Variants in ROPN1 observed in about 807,000 individuals in gnomAD.
ROPN1 encodes ropporin-1A.
A neutral mutation model predicts 20.5 loss-of-function variants in ROPN1; 14 were observed. The ratio of observed to expected loss-of-function variants is 0.68; its 90% CI spans 0.45 to 1.07. The LOEUF (loss-of-function observed/expected upper bound fraction) is 1.07, where lower values mean the gene tolerates loss of function less well. Ranked by LOEUF, ROPN1 falls within the 50% of genes least tolerant of loss-of-function variation. ROPN1 has a pLI of 0.00. For synonymous variants in ROPN1, 76 were observed against 95.7 expected (o/e 0.79, Z 1.20); for missense variants, 169 against 242.8 (o/e 0.70, Z 2.02).
chr3:123,985,708 G>A (rs942531847), intron 1 of ROPN1, among the ~76,000 whole-genome samples: 1 of 152,006 alleles, frequency 6.6e-6, no homozygotes, highest in Non-Finnish European at 1.5e-5. Context: ...TAGGCCTTCA[G>A]TAAAGTCTTA....
intron 4 of ROPN1, among the ~76,000 whole-genome samples, chr3:123,973,154 G>A (rs748921797): frequency 1.3e-5 from 2 of 152,122 alleles, no homozygotes; most frequent in Non-Finnish European, 2.9e-5. Flanking sequence ...AATTTTGGGA[G>A]AACACAAACA....
chr3:123,990,899 G>T (rs561511718), intron 1 of ROPN1, among the ~76,000 whole-genome samples: 1 of 152,164 alleles, frequency 6.6e-6, no homozygotes, highest in Non-Finnish European at 1.5e-5. Flanking sequence ...GGGCTAAACA[G>T]GGCTTCCGTT....
At chr3:123,982,483 G>A (rs2038171430) in intron 1 of ROPN1, among the ~76,000 whole-genome samples, 1 of 152,146 alleles carries the variant, frequency 6.6e-6, no homozygotes, top group African/African-American at 2.4e-5. Context: ...TACAACAAGG[G>A]TCTCAGTACT....
chr3:123,977,038 G>A, intron 2 of ROPN1, 57 bp from the exon 3 acceptor site: 12 of 1,501,388 alleles, frequency 8.0e-6, no homozygotes, highest in Non-Finnish European at 9.9e-6. Flanking sequence ...GCCTCTGGCT[G>A]TTCTAGCAAT....
Position 123,991,976 on chromosome 3 carries a change from C to A in ROPN1, c.-67G>T, listed in dbSNP as rs1239067280. ...GCTTCAGGCGACACCTGGCGCCTGG[C>A]CTCAGGCGAGAGGTGTGGGGAGAGA... On this transcript the variant is annotated 5_prime_UTR_variant, in exon 1 of 6. Transcript: ENST00000405845. The A allele has an allele frequency of 1.5e-5, 2 of 129,124 alleles. No individual in the cohort carries two copies. Among genetic ancestry groups the A allele is most frequent in the African/African-American group, 2.7e-5 (1 of 37,304 alleles). The allele number at this position is 129,124 out of a possible 1,614,324, so 8.0% of individuals were successfully genotyped here. A position where few individuals can be genotyped will look rare whatever the true frequency, so the allele number is the denominator to read the frequency against.
chr3:123,977,312 C>T (rs372477479), intron 2 of ROPN1, among the ~76,000 whole-genome samples: 9 of 152,052 alleles, frequency 5.9e-5, no homozygotes, highest in African/African-American at 9.7e-5. Flanking sequence ...GTTTTATACA[C>T]GCAGATGTAT....
At chr3:123,985,517 T>G (rs1398066845) in intron 1 of ROPN1, among the ~76,000 whole-genome samples, 1 of 152,252 alleles carries the variant, frequency 6.6e-6, no homozygotes, top group Non-Finnish European at 1.5e-5. Flanking sequence ...TGTTCACTTT[T>G]TTTCCCATTG....
chr3:123,978,208 AGGAAGGG>A (rs2038064459), intron 2 of ROPN1, among the ~76,000 whole-genome samples: 1 of 150,464 alleles, frequency 6.6e-6, no homozygotes, highest in Admixed American at 6.6e-5. Context: ...GGTCATCAGC[AGGAAGGG>A]CACCTTTAAC....
At chr3:123,969,991 G>C (rs1325959584) in intron 5 of ROPN1, 51 bp downstream of exon 5, 9 of 1,579,650 alleles carry the variant, frequency 5.7e-6, no homozygotes, top group Non-Finnish European at 6.9e-6. Flanking sequence ...TGGCCAGCTA[G>C]ATTTCTTTTC....
intron 1 of ROPN1, among the ~76,000 whole-genome samples, chr3:123,984,708 C>T (rs1197163518): frequency 2.0e-5 from 3 of 152,128 alleles, no homozygotes; most frequent in Non-Finnish European, 4.4e-5. Flanking sequence ...CTACTCTTTA[C>T]CAACACAAAT....
chr3:123,984,719 T>C (rs539241158), intron 1 of ROPN1, among the ~76,000 whole-genome samples: 3 of 152,284 alleles, frequency 2.0e-5, no homozygotes, highest in Non-Finnish European at 4.4e-5. Flanking sequence ...CAACACAAAT[T>C]TCCTATACAG....
intron 1 of ROPN1, among the ~76,000 whole-genome samples, chr3:123,986,018 A>AAAAAAATAAAAAT (rs201340337): frequency 1.1e-5 from 1 of 93,966 alleles, no homozygotes; most frequent in African/African-American, 3.8e-5. Context: ...AAAAAAAAAA[A>AAAAAAATAAAAAT]TCAAAATATT....
At chr3:123,972,381 C>T (rs538858330) in intron 4 of ROPN1, among the ~76,000 whole-genome samples, 64 of 152,232 alleles carry the variant, frequency 4.2e-4, no homozygotes, top group Non-Finnish European at 5.4e-4. Context: ...GCTTCACAGA[C>T]ATAATCTTTA....
intron 2 of ROPN1, among the ~76,000 whole-genome samples, chr3:123,978,393 C>T (rs1305259799): frequency 6.6e-6 from 1 of 152,116 alleles, no homozygotes; most frequent in Non-Finnish European, 1.5e-5. Flanking sequence ...GAAGTGCTGC[C>T]CAGGTAGAGT....
chr3:123,977,090 C>G, intron 2 of ROPN1, 109 bp from the exon 3 acceptor site: 1 of 1,191,340 alleles, frequency 8.4e-7, no homozygotes, highest in Non-Finnish European at 1.2e-6. Flanking sequence ...AGAAAGGAAC[C>G]TTTGTTAAGT....
chr3:123,977,313 G>T (rs532708634), intron 2 of ROPN1, among the ~76,000 whole-genome samples: 105 of 152,262 alleles, frequency 6.9e-4, no homozygotes, highest in Non-Finnish European at 1.2e-3. Flanking sequence ...TTTTATACAC[G>T]CAGATGTATA....
At chr3:123,990,289 G>C (rs2038375147) in intron 1 of ROPN1, among the ~76,000 whole-genome samples, 1 of 152,002 alleles carries the variant, frequency 6.6e-6, no homozygotes, top group African/African-American at 2.4e-5. Context: ...GGAGGAGGAA[G>C]AAAAGAGGAG....
chr3:123,984,751 A>G (rs528902823), intron 1 of ROPN1, among the ~76,000 whole-genome samples: 1 of 152,180 alleles, frequency 6.6e-6, no homozygotes, highest in Non-Finnish European at 1.5e-5. Flanking sequence ...CACTTTCCAA[A>G]AAAAAAAATT....
At chr3:123,972,601 C>T (rs978604421) in intron 4 of ROPN1, among the ~76,000 whole-genome samples, 3 of 152,342 alleles carry the variant, frequency 2.0e-5, no homozygotes, top group South Asian at 2.1e-4. Context: ...TACAGGTCTG[C>T]ATGCCATCGC....
Sources: allele counts gnomAD v4.1 joint callset (sites outside exome capture counted in the v4.1 genomes callset), GRCh38; gene constraint gnomAD v4.1.1; transcripts MANE v1.5; gene names NCBI Gene and HGNC (gene_info 2026-07-23, HGNC 2026-07-21).